Variants in DCHS2 observed in about 807,000 individuals in gnomAD.
The protein encoded by DCHS2 is dachsous cadherin-related 2.
A neutral mutation model predicts 182.4 loss-of-function variants in DCHS2; 142 were observed. The ratio of observed to expected loss-of-function variants is 0.78; its 90% CI spans 0.68 to 0.89. The LOEUF (loss-of-function observed/expected upper bound fraction) is 0.89, where lower values mean the gene tolerates loss of function less well. DCHS2 is among the 40% of genes least tolerant of loss of function. DCHS2 has a pLI of 0.00. For missense variants in DCHS2, 4,319 were observed against 4,198.6 expected, an observed-to-expected ratio of 1.03 and a Z score of -0.79; for synonymous variants, 1,740 against 1,663.3, an observed-to-expected ratio of 1.05 and a Z score of -1.12.
intron 2 of DCHS2, among the ~76,000 whole-genome samples, chr4:154,369,247 G>T (rs909287780): frequency 6.6e-6 from 1 of 152,116 alleles, no homozygotes; most frequent in Non-Finnish European, 1.5e-5. Flanking sequence ...AGACAAAAAG[G>T]GGGGAAAATG....
chr4:154,270,833 TAAAG>T (rs1336487295), intron 13 of DCHS2, among the ~76,000 whole-genome samples: 5 of 151,588 alleles, frequency 3.3e-5, no homozygotes, highest in Admixed American at 6.6e-5. Flanking sequence ...TATGAGAGCA[TAAAG>T]AAAAGAAATA....
In DCHS2 at chr4:154,486,387, C is replaced by G. The variant is rs987793449; in HGVS notation, c.2052+2917G>C. ...GGATGTGGAGTAACCACTAAGACAA[C>G]TTGAAGTTAAAGGGTTTGTTTTTAT... On this transcript the variant is annotated intron_variant, in intron 1 of 19. Transcript: ENST00000357232. The G allele has an allele frequency of 2.8e-5, 37 of 1,301,244 alleles. No individual in the cohort carries two copies. In the African/African-American group the frequency reaches 5.6e-4, roughly 20 times the overall value. The allele number at this position is 1,301,244 out of a possible 1,614,324, so 80.6% of individuals were successfully genotyped here. A position where few individuals can be genotyped will look rare whatever the true frequency, so the allele number is the denominator to read the frequency against.
intron 19 of DCHS2, among the ~76,000 whole-genome samples, chr4:154,238,159 T>TG (rs571738661): frequency 0.83 from 101,207 of 121,926 alleles, 41,221 homozygotes; most frequent in East Asian, 0.95. Flanking sequence ...GAAAAGACGG[T>TG]GGGGGGGTGG....
rs2111300552 is a variant in DCHS2, at chr4:154,305,107, G to A, written c.5385C>T (p.Phe1795=). The change falls in exon 11 of 20, where the codon TTC becomes TTT. Residue 1795 remains phenylalanine (F), a synonymous_variant. Coordinates refer to ENST00000357232, the MANE Select transcript of DCHS2 (RefSeq NM_001358235.2). ...CAAAGAATCCCTTACCTCGAAGGGTGAAGACTTCTTGAATTTCTCTGTCAA... is the reference window on the plus strand; with the variant it reads ...CAAAGAATCCCTTACCTCGAAGGGTAAAGACTTCTTGAATTTCTCTGTCAA... ...TILDREIQEV[F]TLRVLVRDGG... is the part of the protein sequence containing the mutation. 6.2e-7 allele frequency: 1 copy of A among 1,609,596 alleles called. No homozygotes were observed. The highest frequency in any genetic ancestry group is 1.1e-5 in the South Asian group (1 of 89,124).
chr4:154,235,710 G>A lies in DCHS2; in HGVS notation c.8942C>T (p.Ser2981Phe), dbSNP rs1731444785. The A allele has an allele frequency of 6.2e-7, 1 of 1,613,850 alleles. No homozygotes were observed. Among genetic ancestry groups the A allele is most frequent in the African/African-American group, 1.3e-5 (1 of 74,922 alleles). ...CACTGCCAAGGGTGTTCCTTCAGAGGAGAAAGACACATTCACAAAAACAGT... is the reference window on the plus strand; with the variant it reads ...CACTGCCAAGGGTGTTCCTTCAGAGAAGAAAGACACATTCACAAAAACAGT... ...SCTVFVNVSF[S>F]SEGTPLAVFA... is the part of the protein sequence containing the mutation. The change falls in exon 20 of 20, where the codon TCC (serine) becomes TTC (phenylalanine). Residue 2981 changes from serine (S) to phenylalanine (F), a missense_variant. Physicochemically the swap from Ser to Phe is radical, Grantham distance 155. Coordinates refer to ENST00000357232, the MANE Select transcript of DCHS2 (RefSeq NM_001358235.2).
rs1305731686 is a variant in DCHS2 at position 154,255,507 on chromosome 4, C to T, written c.6941+12G>A. ...AATAAATGGAGCCAATGGATCTGAA[C>T]CCTGGACCAACCTGTAGGAGCTGGT... On this transcript the variant is annotated intron_variant, in intron 16 of 19. Coordinates refer to ENST00000357232, the MANE Select transcript of DCHS2 (RefSeq NM_001358235.2). The T allele has an allele frequency of 1.9e-6, 3 of 1,611,892 alleles. No individual in the cohort carries two copies. The highest frequency in any genetic ancestry group is 2.5e-6 in the Non-Finnish European group (3 of 1,178,932).
intron 1 of DCHS2, among the ~76,000 whole-genome samples, chr4:154,487,934 T>C (rs534865739): frequency 6.6e-6 from 1 of 152,230 alleles, no homozygotes; most frequent in Admixed American, 6.5e-5. Flanking sequence ...TCCCAGCACT[T>C]TGGGAGGCTG....
intron 13 of DCHS2, among the ~76,000 whole-genome samples, chr4:154,277,970 G>A (rs2111226077): frequency 6.6e-6 from 1 of 151,296 alleles, no homozygotes; most frequent in East Asian, 2.0e-4. Context: ...GAACGCAGGA[G>A]GCAGAGGCTA....
Position 154,234,705 on chromosome 4 carries a change from T to C in DCHS2, c.9947A>G (p.His3316Arg), listed in dbSNP as rs1331399572. Residue 3316 changes from histidine (H) to arginine (R), a missense_variant, in exon 20 of 20, where the codon CAT becomes CGT. Coordinates refer to ENST00000357232, the MANE Select transcript of DCHS2 (RefSeq NM_001358235.2). ...PKHPRSPIPY[H>R]LGSLPEGMTP... Reference sequence around the variant, plus strand: ...CATGCCTTCTGGCAGAGAACCAAGATGGTAGGGGATGGGAGAGCGTGGGTG... The same window carrying C: ...CATGCCTTCTGGCAGAGAACCAAGACGGTAGGGGATGGGAGAGCGTGGGTG... 3 of 1,613,590 alleles carry C rather than the reference T, an allele frequency of 1.9e-6. No individual in the cohort carries two copies. Among genetic ancestry groups the C allele is most frequent in the Non-Finnish European group, 2.5e-6 (3 of 1,179,846 alleles).
In DCHS2 at chr4:154,297,890, G is replaced by T; in HGVS notation, c.6424C>A (p.His2142Asn). Residue 2142 changes from histidine to asparagine, a missense_variant, in exon 13 of 20, where the codon CAC becomes AAC. Transcript: ENST00000357232. ...GEDVKISFSH[H>N]LYKGLVTENC... ...TCAGTCACGAGCCCTTTATACAGGT[G>T]GTGGCTGAAGGAAATCTTTACATCT... 2 of 1,613,952 alleles carry T rather than the reference G, an allele frequency of 1.2e-6. No homozygotes were observed. Among genetic ancestry groups the T allele is most frequent in the Middle Eastern group, 1.7e-4 (1 of 6,056 alleles).
intron 1 of DCHS2, among the ~76,000 whole-genome samples, chr4:154,405,048 A>AC (rs1285130233): frequency 6.6e-6 from 1 of 152,102 alleles, no homozygotes; most frequent in Non-Finnish European, 1.5e-5. Context: ...GGAGTTTGAG[A>AC]CCAGCTTGGC....
At chr4:154,344,458 C>A (rs1331631890) in intron 3 of DCHS2, among the ~76,000 whole-genome samples, 1 of 152,194 alleles carries the variant, frequency 6.6e-6, no homozygotes, top group East Asian at 1.9e-4. Context: ...CAGTCACTTC[C>A]TTCATTTCTT....
chr4:154,245,998 C>T (rs1259521390), intron 16 of DCHS2, among the ~76,000 whole-genome samples: 1 of 152,078 alleles, frequency 6.6e-6, no homozygotes, highest in Non-Finnish European at 1.5e-5. Flanking sequence ...CAGGGATATA[C>T]AGGAAATCTC....
At chr4:154,468,670 C>T (rs1735334824) in intron 1 of DCHS2, among the ~76,000 whole-genome samples, 1 of 152,064 alleles carries the variant, frequency 6.6e-6, no homozygotes, top group South Asian at 2.1e-4. Context: ...AACGGTTTCT[C>T]CTAAAATAAA....
At chr4:154,386,729 A>T (rs1352773776) in intron 1 of DCHS2, among the ~76,000 whole-genome samples, 2 of 152,168 alleles carry the variant, frequency 1.3e-5, no homozygotes, top group South Asian at 2.1e-4. Context: ...TGCATGAATT[A>T]ATGAATCTAA....
At chr4:154,315,653 A>T (rs1408582420) in intron 10 of DCHS2, 95 bp downstream of exon 10, 1 of 1,517,524 alleles carries the variant, frequency 6.6e-7, no homozygotes, top group African/African-American at 1.4e-5. Flanking sequence ...GCAACTGTTC[A>T]TTTTTTCTGA....
chr4:154,299,190 C>CA (rs1258424613), intron 12 of DCHS2, among the ~76,000 whole-genome samples: 1 of 152,174 alleles, frequency 6.6e-6, no homozygotes, highest in East Asian at 1.9e-4. Context: ...CTACAGTATT[C>CA]ATGCCTGTTA....
chr4:154,317,171 T>C (rs925026244), intron 9 of DCHS2, among the ~76,000 whole-genome samples: 1 of 152,254 alleles, frequency 6.6e-6, no homozygotes. Flanking sequence ...GCAATTATCA[T>C]TTTATGTCTT....
At chr4:154,463,692 TTCTCTCTCTCTCTC>T (rs5863102) in intron 1 of DCHS2, among the ~76,000 whole-genome samples, 2 of 145,266 alleles carry the variant, frequency 1.4e-5, no homozygotes, top group African/African-American at 5.1e-5. Context: ...ATTCTCTCTT[TTCTCTCTCTCTCTC>T]TCTCTCTCTC....
Sources: gnomAD v4.1 joint callset for allele counts (sites outside exome capture counted in the v4.1 genomes callset) on GRCh38, gnomAD v4.1.1 for gene constraint, MANE v1.5 for transcripts, NCBI Gene and HGNC (gene_info 2026-07-23, HGNC 2026-07-21) for gene names.